PKD1L1: variants seen among roughly 807,000 people sequenced by gnomAD.
PKD1L1 encodes polycystin-1-like protein 1.
Under a neutral mutation model 323.4 loss-of-function variants are expected in PKD1L1, and 236 were observed. The ratio of observed to expected loss-of-function variants is 0.73; its 90% confidence interval spans 0.66 to 0.81. The LOEUF (loss-of-function observed/expected upper bound fraction) is 0.81, where lower values mean the gene tolerates loss of function less well. Ranked by LOEUF, PKD1L1 falls within the 40% of genes least tolerant of loss-of-function variation. PKD1L1 has a pLI of 0.00. For missense variants in PKD1L1, 3,320 were observed against 3,508.0 expected (o/e 0.95, Z 1.35); for synonymous variants, 1,344 against 1,335.0 (o/e 1.01, Z -0.15).
At chr7:47,814,376 A>G (rs577376061) in intron 47 of PKD1L1, among the ~76,000 whole-genome samples, 28 of 152,176 alleles carry the variant, frequency 1.8e-4, no homozygotes, top group African/African-American at 6.3e-4. Context: ...ATGGACAAAT[A>G]TATTTCTCTT....
At chr7:47,819,695 CAT>C in intron 46 of PKD1L1, 1 of 676,612 alleles carries the variant, frequency 1.5e-6, no homozygotes, top group Non-Finnish European at 2.2e-6. Flanking sequence ...CACCCAGACT[CAT>C]AGCACTGGGA....
At chr7:47,866,290 G>T in intron 25 of PKD1L1, 129 bp downstream of exon 25, 2 of 867,852 alleles carry the variant, frequency 2.3e-6, no homozygotes, top group Non-Finnish European at 3.5e-6. Context: ...TGAGCTGGCT[G>T]GCCCTCTTGG....
intron 45 of PKD1L1, among the ~76,000 whole-genome samples, chr7:47,825,465 G>T (rs1785223635): frequency 6.6e-6 from 1 of 151,588 alleles, no homozygotes; most frequent in South Asian, 2.1e-4. Context: ...TGAGAGGCGG[G>T]GGTTGCAGTG....
intron 13 of PKD1L1, among the ~76,000 whole-genome samples, chr7:47,899,955 C>CGAAAAAAAAAAA (rs71552464): frequency 9.4e-6 from 1 of 106,514 alleles, no homozygotes; most frequent in African/African-American, 3.7e-5. Flanking sequence ...GACTCCATCC[C>CGAAAAAAAAAAA]AAAAAAAAAA....
chr7:47,838,245 T>C (rs1785497046), intron 36 of PKD1L1, among the ~76,000 whole-genome samples: 1 of 152,220 alleles, frequency 6.6e-6, no homozygotes, highest in South Asian at 2.1e-4. Flanking sequence ...GGCCTGAAAA[T>C]GCCAAGGCCT....
intron 8 of PKD1L1, among the ~76,000 whole-genome samples, chr7:47,909,330 C>T (rs532637306): frequency 8.7e-4 from 132 of 152,284 alleles, no homozygotes; most frequent in Non-Finnish European, 1.6e-3. Flanking sequence ...TCCTTGACTC[C>T]ACCAGGCCCA....
At chr7:47,887,280 C>T (rs1028877590) in intron 17 of PKD1L1, among the ~76,000 whole-genome samples, 2 of 152,210 alleles carry the variant, frequency 1.3e-5, no homozygotes, top group African/African-American at 2.4e-5. Context: ...TCAGCGGGGG[C>T]TTGGCACCAG....
chr7:47,789,428 A>T (rs985114687), intron 56 of PKD1L1, among the ~76,000 whole-genome samples: 1 of 152,198 alleles, frequency 6.6e-6, no homozygotes, highest in Non-Finnish European at 1.5e-5. Flanking sequence ...ATTTAGATAC[A>T]TTAGCCAATA....
At chr7:47,885,162 C>G (rs1024351102) in intron 18 of PKD1L1, among the ~76,000 whole-genome samples, 4 of 152,182 alleles carry the variant, frequency 2.6e-5, no homozygotes, top group Admixed American at 6.5e-5. Context: ...TCTGGGAGGC[C>G]TGGAGCACAG....
chr7:47,850,448 A>G (rs553228257), intron 31 of PKD1L1, among the ~76,000 whole-genome samples: 6 of 152,266 alleles, frequency 3.9e-5, no homozygotes, highest in African/African-American at 1.4e-4. Context: ...CCTGACCAAC[A>G]TGGTGAAACC....
At position 47,837,032 on chromosome 7, in the gene PKD1L1, G is replaced by A; in HGVS notation, c.5832C>T (p.Ser1944=). Residue 1944 remains serine (S), a synonymous_variant, in exon 37 of 57, where the codon AGC becomes AGT. Transcript: ENST00000289672. The part of the protein sequence containing the change: ...EDFHVWLSVY[S]RPSSSRYLHT... Reference sequence around the variant, plus strand: ...GCAGGTAGCGGCTGGAGGAGGGCCTGCTGTACACCGACAGCCAGACATGGA... The same window carrying A: ...GCAGGTAGCGGCTGGAGGAGGGCCTACTGTACACCGACAGCCAGACATGGA... The A allele has an allele frequency of 6.2e-7, 1 of 1,614,118 alleles. No homozygotes were observed. Among genetic ancestry groups the A allele is most frequent in the South Asian group, 1.1e-5 (1 of 91,074 alleles).
rs775441059 is a variant in PKD1L1, at chr7:47,834,980, G to A, written c.6114C>T (p.Thr2038=). 33 of 1,613,612 alleles carry A rather than the reference G, an allele frequency of 2.0e-5. No individual in the cohort carries two copies. The Middle Eastern group carries it at 2.1e-3, about 105-fold the overall frequency. The change falls in exon 39 of 57, where the codon ACC becomes ACT. Residue 2038 remains threonine, a synonymous_variant. Coordinates refer to ENST00000289672, the MANE Select transcript of PKD1L1 (RefSeq NM_138295.5). ...PHSPLRGGAQ[T]EAPHGPNSWG... ...ATGTACATTTACCATGGGGTGCCTC[G>A]GTCTGTGCTCCTCCTCTAAGTGGGC...
intron 26 of PKD1L1, among the ~76,000 whole-genome samples, chr7:47,864,629 TTTCTTTCCTTCC>T: frequency 7.8e-6 from 1 of 128,156 alleles, no homozygotes; most frequent in Admixed American, 7.9e-5. Flanking sequence ...TCTTTCTTTC[TTTCTTTCCTTCC>T]TTCCTTCCTT....
chr7:47,890,407 T>G (rs1786785359), intron 16 of PKD1L1, 135 bp downstream of exon 16: 2 of 837,258 alleles, frequency 2.4e-6, no homozygotes, highest in South Asian at 3.3e-5. Flanking sequence ...CTTCTCCTCC[T>G]CCTTTGCAGT....
rs536989403 is a variant in PKD1L1 at position 47,872,637 on chromosome 7, G to A, written c.3896+1262C>T. ...GAGAAACGCAAGTCCAAACCTTAAT[G>A]GGATACCACTTCATACTAACTAGAA... On this transcript the variant is annotated intron_variant, in intron 24 of 56. Coordinates refer to ENST00000289672, the MANE Select transcript of PKD1L1 (RefSeq NM_138295.5). Among the ~76,000 whole-genome samples, 3 of 152,290 alleles carry A rather than the reference G, an allele frequency of 2.0e-5. No homozygotes were observed. In the East Asian group the frequency reaches 5.8e-4, roughly 29 times the overall value.
chr7:47,852,873 G>A (rs566438385), intron 31 of PKD1L1, among the ~76,000 whole-genome samples: 4 of 152,166 alleles, frequency 2.6e-5, no homozygotes, highest in East Asian at 1.9e-4. Context: ...AGGAGGAGGC[G>A]CCAGAGACCA....
At chr7:47,826,473 AAAATATT>A (rs1426680836) in intron 45 of PKD1L1, among the ~76,000 whole-genome samples, 1 of 152,160 alleles carries the variant, frequency 6.6e-6, no homozygotes, top group Non-Finnish European at 1.5e-5. Context: ...AAGGGATATG[AAAATATT>A]TAAGGGGAAG....
intron 36 of PKD1L1, among the ~76,000 whole-genome samples, chr7:47,838,230 T>C (rs1047797648): frequency 6.6e-5 from 10 of 152,262 alleles, no homozygotes; most frequent in African/African-American, 2.4e-4. Flanking sequence ...CTTAGCAATA[T>C]GTCAGGCCTG....
chr7:47,912,827 AAAAAAAAAAAAG>A (rs1307407211), intron 8 of PKD1L1, among the ~76,000 whole-genome samples: 1 of 151,506 alleles, frequency 6.6e-6, no homozygotes, highest in African/African-American at 2.4e-5. Flanking sequence ...AAAAAAAAAA[AAAAAAAAAAAAG>A]AAAAGAAATA....
Sources: gnomAD v4.1 joint callset for allele counts (sites outside exome capture counted in the v4.1 genomes callset) on GRCh38, gnomAD v4.1.1 for gene constraint, MANE v1.5 for transcripts, NCBI Gene and HGNC (gene_info 2026-07-23, HGNC 2026-07-21) for gene names.